ANK1: variants seen among roughly 807,000 people sequenced by gnomAD.
ANK1 encodes ankyrin-1.
In ANK1, 51 loss-of-function variants were observed where a neutral mutation model predicts 210.4. The ratio of observed to expected loss-of-function variants is 0.24; its 90% CI spans 0.19 to 0.31. ANK1 has a LOEUF of 0.31. Among genes scored for constraint, ANK1 ranks in the 10% least tolerant of loss-of-function variants. ANK1 has a pLI of 1.00. For synonymous variants in ANK1, 967 were observed against 1,025.9 expected (o/e 0.94, Z 1.10); for missense variants, 2,051 against 2,504.4 (o/e 0.82, Z 3.86).
intron 2 of ANK1, among the ~76,000 whole-genome samples, chr8:41,752,145 G>C (rs1341179536): frequency 6.6e-6 from 1 of 152,100 alleles, no homozygotes; most frequent in Non-Finnish European, 1.5e-5. Flanking sequence ...CACCGAAATA[G>C]TCACCTTGAC....
At chr8:41,758,167 T>C in intron 1 of ANK1, 30 bp from the exon 2 acceptor site, 1 of 1,597,564 alleles carries the variant, frequency 6.3e-7, no homozygotes, top group African/African-American at 1.3e-5. Flanking sequence ...GCGGTGAGTG[T>C]CCTGGGTGTA....
chr8:41,696,801 C>T, intron 24 of ANK1, 28 bp from the exon 25 acceptor site: 1 of 1,578,746 alleles, frequency 6.3e-7, no homozygotes, highest in Non-Finnish European at 8.6e-7. Flanking sequence ...GTCCTCCTGT[C>T]CCACCTCCTC....
chr8:41,849,477 T>C (rs1810763491), intron 1 of ANK1, among the ~76,000 whole-genome samples: 1 of 151,640 alleles, frequency 6.6e-6, no homozygotes, highest in African/African-American at 2.4e-5. Context: ...TGAGCTGAGA[T>C]CACACCATTG....
intron 39 of ANK1, among the ~76,000 whole-genome samples, chr8:41,666,308 C>A (rs1810539242): frequency 6.6e-6 from 1 of 152,234 alleles, no homozygotes; most frequent in Non-Finnish European, 1.5e-5. Context: ...CAGTCCTAAC[C>A]AAGGAGGTTC....
At chr8:41,756,447 T>C (rs1388882942) in intron 2 of ANK1, among the ~76,000 whole-genome samples, 1 of 149,990 alleles carries the variant, frequency 6.7e-6, no homozygotes, top group Non-Finnish European at 1.5e-5. Context: ...CCCGGTCTAT[T>C]TTATTTTATT....
At chr8:41,717,782 C>T (rs910160640) in intron 11 of ANK1, 80 bp from the exon 12 acceptor site, 62 of 1,250,642 alleles carry the variant, frequency 5.0e-5, no homozygotes, top group Middle Eastern at 1.8e-4. Context: ...CAGTATCTAA[C>T]GCTTTCACAA....
intron 9 of ANK1, 103 bp downstream of exon 9, chr8:41,723,022 G>T: frequency 9.9e-7 from 1 of 1,012,364 alleles, no homozygotes; most frequent in Admixed American, 1.8e-5. Context: ...ATCTCATCTA[G>T]TAGTATTAGC....
At chr8:41,843,909 C>T (rs1242599151) in intron 1 of ANK1, among the ~76,000 whole-genome samples, 1 of 152,220 alleles carries the variant, frequency 6.6e-6, no homozygotes, top group Non-Finnish European at 1.5e-5. Flanking sequence ...AGGTCTTGCT[C>T]TGTCACCCAG....
rs181221134 is a variant in ANK1, at chr8:41,670,059, C to T, written c.5097-1495G>A. 2.0e-5 allele frequency among the ~76,000 whole-genome samples: 3 copies of T among 152,196 alleles called. No homozygotes were observed. The East Asian group carries it at 5.8e-4, about 29-fold the overall frequency. On this transcript the variant is annotated intron_variant, in intron 38 of 42. Coordinates refer to ENST00000289734, the MANE Select transcript of ANK1 (RefSeq NM_000037.4). ...CTGTAATTCCAGTCAGCCTTCTTTC[C>T]ACACACACGCCTACCTCCTGTCCTC...
intron 16 of ANK1, among the ~76,000 whole-genome samples, chr8:41,712,532 A>T (rs1279220246): frequency 6.6e-6 from 1 of 152,230 alleles, no homozygotes; most frequent in African/African-American, 2.4e-5. Context: ...GGACAAGGAC[A>T]ACTAGGCTGG....
At chr8:41,718,787 T>G (rs1828445968) in intron 10 of ANK1, among the ~76,000 whole-genome samples, 1 of 152,168 alleles carries the variant, frequency 6.6e-6, no homozygotes, top group Non-Finnish European at 1.5e-5. Context: ...CTGGGGACAT[T>G]TTTTATTGTC....
intron 38 of ANK1, among the ~76,000 whole-genome samples, chr8:41,668,775 T>C (rs1811352136): frequency 6.6e-6 from 1 of 152,124 alleles, no homozygotes; most frequent in Non-Finnish European, 1.5e-5. Context: ...ACGTGGCCCA[T>C]CTAATGCTGT....
chr8:41,836,935 A>C (rs546883759), intron 1 of ANK1, among the ~76,000 whole-genome samples: 82 of 151,886 alleles, frequency 5.4e-4, no homozygotes, highest in South Asian at 1.5e-3. Flanking sequence ...AAAAAAAAAA[A>C]AAAAACAAAA....
rs574992987 is a variant in ANK1 at position 41,718,090 on chromosome 8, C to G, written c.1206+16G>C. 1 of 1,613,024 alleles carries G rather than the reference C, an allele frequency of 6.2e-7. No homozygotes were observed. Among genetic ancestry groups the G allele is most frequent in the South Asian group, 1.1e-5 (1 of 91,058 alleles). On this transcript the variant is annotated intron_variant, in intron 11 of 42. Transcript: ENST00000289734. ...ACCACAGGCCTGCCCCCAGGCTCCT[C>G]TGCAGTCTCTCCTACCTCGGTGACC...
intron 1 of ANK1, among the ~76,000 whole-genome samples, chr8:41,827,783 G>A (rs923798557): frequency 4.2e-5 from 6 of 142,248 alleles, no homozygotes; most frequent in African/African-American, 1.6e-4. Context: ...ACATGCTCAC[G>A]CCCACACACA....
intron 1 of ANK1, among the ~76,000 whole-genome samples, chr8:41,776,859 G>A (rs571262645): frequency 3.3e-5 from 5 of 152,204 alleles, no homozygotes; most frequent in Non-Finnish European, 5.9e-5. Context: ...GCTACCACTC[G>A]AAAACACCTT....
chr8:41,728,138 C>T (rs778464466), intron 3 of ANK1, 132 bp from the exon 4 acceptor site: 3 of 738,192 alleles, frequency 4.1e-6, no homozygotes, highest in Non-Finnish European at 7.0e-6. Flanking sequence ...GTAGAAAGGA[C>T]ACACGTGTGT....
chr8:41,785,891 C>G (rs1031361381), intron 1 of ANK1, among the ~76,000 whole-genome samples: 4 of 152,200 alleles, frequency 2.6e-5, no homozygotes, highest in African/African-American at 9.7e-5. Context: ...GCCGAGGGTC[C>G]GAGCTGACCT....
intron 1 of ANK1, among the ~76,000 whole-genome samples, chr8:41,889,141 G>A (rs571542273): frequency 6.6e-6 from 1 of 152,292 alleles, no homozygotes; most frequent in African/African-American, 2.4e-5. Flanking sequence ...TGCCCAGACA[G>A]GGAAGGAAAG....
Sources: allele counts gnomAD v4.1 joint callset (sites outside exome capture counted in the v4.1 genomes callset), GRCh38; gene constraint gnomAD v4.1.1; transcripts MANE v1.5; gene names NCBI Gene and HGNC (gene_info 2026-07-23, HGNC 2026-07-21).